Variants in SATL1 observed in about 807,000 individuals in gnomAD.
SATL1 encodes the protein spermidine/spermine N(1)-acetyltransferase-like protein 1.
Under a neutral mutation model 51.8 loss-of-function variants are expected in SATL1, and 47 were observed. The ratio of observed to expected loss-of-function variants is 0.91; its 90% CI spans 0.72 to 1.16. The LOEUF is 1.16. Among genes scored for constraint, SATL1 ranks in the 50% most tolerant of loss-of-function variants. The probability of loss-of-function intolerance (pLI) is 0.00; values close to 1 mark genes in which losing one functional copy is unlikely to be tolerated. For missense variants in SATL1, 520 were observed against 526.4 expected (o/e 0.99, Z 0.12); for synonymous variants, 176 against 182.4 (o/e 0.97, Z 0.28).
rs1928232261 is a variant in SATL1, at chrX:85,224,292, T to C, written c.-400A>G. 1 of 105,233 alleles carries C rather than the reference T, an allele frequency of 9.5e-6. No individual in the cohort carries two copies. The highest frequency in any genetic ancestry group is 3.5e-5 in the African/African-American group (1 of 28,980). 8.7% of individuals were successfully genotyped at this position (105,233 alleles called of 1,213,427 possible). On this transcript the variant is annotated 5_prime_UTR_variant, in exon 2 of 8. Transcript: ENST00000644105. ...CCTCCCTTTTCACATCATCTTCTCC[T>C]CTGTGTGTGTCTATGTCTCCTCTTC...
chrX:85,127,792 C>T (rs1366912933), intron 2 of SATL1, among the ~76,000 whole-genome samples: 2 of 110,693 alleles, frequency 1.8e-5, no homozygotes, highest in African/African-American at 6.6e-5. Flanking sequence ...CTATCCCTCC[C>T]CAGTTCCCCC....
intron 2 of SATL1, among the ~76,000 whole-genome samples, chrX:85,203,250 C>A (rs747694813): frequency 1.8e-5 from 2 of 111,045 alleles, no homozygotes; most frequent in East Asian, 5.7e-4. Flanking sequence ...CTTCAGGAAG[C>A]GGCTGGAGAC....
intron 2 of SATL1, among the ~76,000 whole-genome samples, chrX:85,150,883 G>A (rs1926411588): frequency 9.1e-6 from 1 of 110,303 alleles, no homozygotes; most frequent in Non-Finnish European, 1.9e-5. Context: ...AATACTGGAA[G>A]CATTCCCTTT....
chrX:85,092,940 C>T (rs1924573331), intron 7 of SATL1: 1 of 330,209 alleles, frequency 3.0e-6, no homozygotes, highest in Non-Finnish European at 5.3e-6. Flanking sequence ...TTCTTACTTT[C>T]CCTTGATAGC....
intron 2 of SATL1, among the ~76,000 whole-genome samples, chrX:85,196,367 A>G (rs1927561206): frequency 8.9e-6 from 1 of 111,959 alleles, no homozygotes; most frequent in Non-Finnish European, 1.9e-5. Flanking sequence ...AAGACTTAGT[A>G]TTGTTAAGAT....
intron 2 of SATL1, among the ~76,000 whole-genome samples, chrX:85,205,810 G>C (rs1194239251): frequency 9.0e-6 from 1 of 111,468 alleles, no homozygotes; most frequent in African/African-American, 3.3e-5. Flanking sequence ...GTTTGGAAGG[G>C]GCCATGACTA....
intron 4 of SATL1, among the ~76,000 whole-genome samples, chrX:85,096,021 C>T (rs1488931024): frequency 9.1e-6 from 1 of 109,598 alleles, no homozygotes; most frequent in African/African-American, 3.3e-5. Context: ...TAGCTTTCAA[C>T]AAAAATCACA....
At chrX:85,213,056 T>C (rs1017744936) in intron 2 of SATL1, among the ~76,000 whole-genome samples, 1 of 111,655 alleles carries the variant, frequency 9.0e-6, no homozygotes, top group African/African-American at 3.2e-5. Context: ...GAACCAAATG[T>C]ATAGTATATA....
chrX:85,181,772 G>T (rs1271824289), intron 2 of SATL1, among the ~76,000 whole-genome samples: 2 of 111,467 alleles, frequency 1.8e-5, no homozygotes, highest in African/African-American at 6.5e-5. Flanking sequence ...TGTCTTGCAG[G>T]ACTGTTTTAA....
At chrX:85,197,635 T>C (rs955156301) in intron 2 of SATL1, among the ~76,000 whole-genome samples, 2 of 107,100 alleles carry the variant, frequency 1.9e-5, no homozygotes, top group Non-Finnish European at 3.9e-5. Context: ...CTCCTAATGC[T>C]ATCCCTCCCC....
At chrX:85,186,721 G>A (rs1927320841) in intron 2 of SATL1, among the ~76,000 whole-genome samples, 1 of 111,727 alleles carries the variant, frequency 9.0e-6, no homozygotes, top group Admixed American at 9.5e-5. Context: ...CTGGATGGGT[G>A]GTGTAGGTTA....
At chrX:85,139,124 A>G (rs898959029) in intron 2 of SATL1, among the ~76,000 whole-genome samples, 1 of 111,296 alleles carries the variant, frequency 9.0e-6, no homozygotes, top group Non-Finnish European at 1.9e-5. Context: ...CTTTCACTTC[A>G]ATAAATCACA....
chrX:85,103,722 C>T, intron 4 of SATL1, 142 bp downstream of exon 4: 1 of 368,595 alleles, frequency 2.7e-6, no homozygotes, highest in Middle Eastern at 6.1e-4. Flanking sequence ...AATAGTGGAG[C>T]ACTGACAAAG....
intron 1 of SATL1, among the ~76,000 whole-genome samples, chrX:85,235,407 C>A (rs904150367): frequency 1.3e-4 from 14 of 111,389 alleles, no homozygotes; most frequent in African/African-American, 3.6e-4. Context: ...AAGACACATT[C>A]TTCTCCTTAG....
At chrX:85,133,798 G>A (rs1411498777) in intron 2 of SATL1, among the ~76,000 whole-genome samples, 3 of 111,739 alleles carry the variant, frequency 2.7e-5, no homozygotes, top group Non-Finnish European at 5.6e-5. Flanking sequence ...ATCCTCTGAA[G>A]TGAATTATTT....
At chrX:85,118,158 A>T (rs1292675636) in intron 2 of SATL1, among the ~76,000 whole-genome samples, 1 of 98,522 alleles carries the variant, frequency 1.0e-5, no homozygotes, top group Non-Finnish European at 2.0e-5. Flanking sequence ...GTAAGGTCAG[A>T]GCTCTTGGCA....
At chrX:85,225,226 C>T (rs2147763006) in intron 1 of SATL1, among the ~76,000 whole-genome samples, 2 of 111,695 alleles carry the variant, frequency 1.8e-5, no homozygotes, top group Admixed American at 9.5e-5. Flanking sequence ...TGAACTTACA[C>T]ATATAACATT....
chrX:85,095,058 G>A, intron 4 of SATL1, 62 bp from the exon 5 acceptor site: 1 of 617,570 alleles, frequency 1.6e-6, no homozygotes, highest in Non-Finnish European at 2.7e-6. Flanking sequence ...GGAGATGGTG[G>A]ATAGGAAGCA....
At chrX:85,156,390 G>T (rs1926587455) in intron 2 of SATL1, 2 of 111,135 alleles carry the variant, frequency 1.8e-5, no homozygotes, top group Non-Finnish European at 3.8e-5. Context: ...CTGATATGAG[G>T]CCTCCTCAAC....
Sources: gnomAD v4.1 joint callset for allele counts (sites outside exome capture counted in the v4.1 genomes callset) on GRCh38, gnomAD v4.1.1 for gene constraint, MANE v1.5 for transcripts, NCBI Gene and HGNC (gene_info 2026-07-23, HGNC 2026-07-21) for gene names.